ADGRG3: variants seen among roughly 807,000 people sequenced by gnomAD.
ADGRG3 encodes the protein adhesion G protein-coupled receptor G3.
Under a neutral mutation model 54.3 loss-of-function variants are expected in ADGRG3, and 39 were observed. The ratio of observed to expected loss-of-function variants is 0.72; its 90% confidence interval spans 0.56 to 0.94. ADGRG3 has a LOEUF of 0.94. Among genes scored for constraint, ADGRG3 ranks in the 40% least tolerant of loss-of-function variants. ADGRG3 has a pLI of 0.00. For synonymous variants in ADGRG3, 312 were observed against 290.0 expected, an observed-to-expected ratio of 1.08 and a Z score of -0.77; for missense variants, 654 against 694.6, an observed-to-expected ratio of 0.94 and a Z score of 0.66.
At chr16:57,684,794 C>T (rs531315721) in intron 10 of ADGRG3, among the ~76,000 whole-genome samples, 4 of 152,290 alleles carry the variant, frequency 2.6e-5, no homozygotes, top group African/African-American at 9.6e-5. Context: ...TAAAGAAGGT[C>T]ACCCCGTCCG....
intron 9 of ADGRG3, 42 bp from the exon 10 acceptor site, chr16:57,684,348 A>G: frequency 1.3e-6 from 2 of 1,580,994 alleles, no homozygotes; most frequent in Non-Finnish European, 1.7e-6. Flanking sequence ...AGGAAGTGCC[A>G]GTAAGCCCCA....
intron 10 of ADGRG3, 103 bp downstream of exon 10, chr16:57,684,586 C>A: frequency 3.9e-6 from 3 of 769,472 alleles, no homozygotes; most frequent in African/African-American, 1.7e-5. Context: ...AAAATCTAGA[C>A]CAAATATGTC....
At chr16:57,680,962 C>G (rs1567858501) in intron 8 of ADGRG3, among the ~76,000 whole-genome samples, 2 of 152,188 alleles carry the variant, frequency 1.3e-5, no homozygotes, top group Non-Finnish European at 2.9e-5. Flanking sequence ...AGAACTTGGT[C>G]TCCCTCTACC....
chr16:57,676,441 T>C, intron 3 of ADGRG3, 103 bp downstream of exon 3: 2 of 1,088,864 alleles, frequency 1.8e-6, no homozygotes, highest in Non-Finnish European at 2.7e-6. Flanking sequence ...AACTAGGGCT[T>C]GTCCCTCCCC....
In ADGRG3 at chr16:57,684,228, A is replaced by T; in HGVS notation, c.1162+16A>T. 6.2e-7 allele frequency: 1 copy of T among 1,606,598 alleles called. No homozygotes were observed. The highest frequency in any genetic ancestry group is 8.5e-7 in the Non-Finnish European group (1 of 1,175,260). ...GTGGGCTGGGGTAGGTGCTGCCTGG[A>T]TGGACAGAATAAACGGCCGGCCCTG... On this transcript the variant is annotated intron_variant, in intron 9 of 11. Coordinates refer to ENST00000333493, the MANE Select transcript of ADGRG3 (RefSeq NM_170776.5).
chr16:57,680,714 G>A (rs1048494294), intron 8 of ADGRG3, 97 bp downstream of exon 8: 13 of 807,006 alleles, frequency 1.6e-5, no homozygotes, highest in East Asian at 7.9e-5. Flanking sequence ...GCCTCTGACC[G>A]TTGTCCCCTC....
rs539931060 is a variant in ADGRG3, at chr16:57,668,328, G to A, written c.-20G>A. ...GCCAGACAGCCACAGAGCTCCTGGCGTGGGCAAGGCTGGCCAAGGATGGCG... is the reference window on the plus strand; with the variant it reads ...GCCAGACAGCCACAGAGCTCCTGGCATGGGCAAGGCTGGCCAAGGATGGCG... On this transcript the variant is annotated 5_prime_UTR_variant, in exon 1 of 12. The change creates a new upstream start codon in the 5' untranslated region. Transcript: ENST00000333493. The A allele has an allele frequency of 1.7e-5, 26 of 1,558,522 alleles. No individual in the cohort carries two copies. The highest frequency in any genetic ancestry group is 1.7e-4 in the Middle Eastern group (1 of 5,858).
At chr16:57,685,099 C>G (rs960600475) in intron 10 of ADGRG3, among the ~76,000 whole-genome samples, 3 of 152,226 alleles carry the variant, frequency 2.0e-5, no homozygotes, top group Non-Finnish European at 4.4e-5. Flanking sequence ...AGACTCACAC[C>G]TTGGGATCCA....
In ADGRG3 at chr16:57,685,947, A is replaced by T. The variant is rs764377634; in HGVS notation, c.1540+21A>T. The T allele has an allele frequency of 5.5e-5, 88 of 1,610,446 alleles. 2 individuals are homozygous for T. In the South Asian group the frequency reaches 7.4e-4, roughly 13 times the overall value. On this transcript the variant is annotated intron_variant, in intron 11 of 11. Coordinates refer to ENST00000333493, the MANE Select transcript of ADGRG3 (RefSeq NM_170776.5). The stretch of plus-strand genomic sequence containing the variant: ...GCAAGGTGAGGCCCCTGCACCAGGG[A>T]GGTGATGGGCTGTGTTGTCTGTCCC...
At chr16:57,686,288 C>T (rs567416298) in intron 11 of ADGRG3, among the ~76,000 whole-genome samples, 14 of 152,178 alleles carry the variant, frequency 9.2e-5, no homozygotes, top group Non-Finnish European at 2.1e-4. Context: ...CAGCGTATCA[C>T]ATGGCGAGAG....
chr16:57,674,335 G>A (rs143092926), intron 2 of ADGRG3, among the ~76,000 whole-genome samples: 45 of 152,186 alleles, frequency 3.0e-4, no homozygotes, highest in African/African-American at 9.4e-4. Flanking sequence ...AAATGAAGGG[G>A]TTTAGAATAC....
rs2048163023 is a variant in ADGRG3 at position 57,671,612 on chromosome 16, G to A, written c.59-1709G>A. Among the ~76,000 whole-genome samples, 3 of 152,110 alleles carry A rather than the reference G, an allele frequency of 2.0e-5. No homozygotes were observed. The South Asian group carries it at 6.2e-4, about 32-fold the overall frequency. On this transcript the variant is annotated intron_variant, in intron 1 of 11. Transcript: ENST00000333493. The stretch of plus-strand genomic sequence containing the variant: ...GGCCTCCCAAAGTGCTGGGATTATA[G>A]GCGTGAGTCACCGCACTCAGCCTTC...
rs776026679 is a variant in ADGRG3, at chr16:57,679,852, A to T, written c.664A>T (p.Lys222Ter). The T allele has an allele frequency of 6.2e-7, 1 of 1,611,170 alleles. No homozygotes were observed. The highest frequency in any genetic ancestry group is 8.5e-7 in the Non-Finnish European group (1 of 1,177,648). ...TLTCVFWDVTKGTTGDWSSEG... is the reference protein window; with the variant it reads ...TLTCVFWDVT ...CACCTGTGTATTCTGGGATGTGACT[A>T]AAGGTAGGGCCCGGAGGACCTTCTC... The change falls in exon 6 of 12, where the codon AAA (lysine) becomes TAA (stop). Residue 222 changes from lysine to a stop codon, truncating the protein, a stop_gained. Transcript: ENST00000333493. LOFTEE classifies it high-confidence loss of function.
At position 57,685,647 on chromosome 16, in the gene ADGRG3, T is replaced by C. The variant is rs1457651669; in HGVS notation, c.1261T>C (p.Trp421Arg). The C allele has an allele frequency of 6.2e-7, 1 of 1,613,670 alleles. No homozygotes were observed. Among genetic ancestry groups the C allele is most frequent in the Admixed American group, 1.7e-5 (1 of 60,010 alleles). Residue 421 changes from tryptophan to arginine, a missense_variant, in exon 11 of 12, where the codon TGG (tryptophan) becomes CGG (arginine). Trp to Arg is a moderately radical substitution (Grantham distance 101). Transcript: ENST00000333493. The part of the protein sequence containing the change: ...RENRTSLELC[W>R]FREGTTMYAL... ...CACAGCTGCCCCCTCCTCCAGATGC[T>C]GGTTCCGTGAAGGGACAACCATGTA... is the stretch of plus-strand genomic sequence containing the variant.
chr16:57,673,161 G>A (rs2048192175), intron 1 of ADGRG3, among the ~76,000 whole-genome samples, 160 bp from the exon 2 acceptor site: 1 of 152,184 alleles, frequency 6.6e-6, no homozygotes, highest in Non-Finnish European at 1.5e-5. Flanking sequence ...CAGCCCCAGA[G>A]AGGGTCTGCA....
chr16:57,678,410 A>G, intron 4 of ADGRG3, 94 bp downstream of exon 4: 10 of 1,272,522 alleles, frequency 7.9e-6, no homozygotes, highest in East Asian at 2.3e-5. Context: ...GAGGGATCCA[A>G]TGGGGACAGA....
At chr16:57,684,525 G>T (rs370787512) in intron 10 of ADGRG3, 42 bp downstream of exon 10, 1 of 1,411,504 alleles carries the variant, frequency 7.1e-7, no homozygotes. Flanking sequence ...CCAGCTCCCC[G>T]GCTACACATA....
chr16:57,679,284 C>G lies in ADGRG3; in HGVS notation c.600C>G (p.Ile200Met). The G allele has an allele frequency of 6.2e-7, 1 of 1,613,978 alleles. No homozygotes were observed. Among genetic ancestry groups the G allele is most frequent in the Non-Finnish European group, 8.5e-7 (1 of 1,179,928 alleles). Residue 200 changes from isoleucine (I) to methionine (M), a missense_variant, in exon 5 of 12, where the codon ATC (isoleucine) becomes ATG (methionine). Coordinates refer to ENST00000333493, the MANE Select transcript of ADGRG3 (RefSeq NM_170776.5). ...HVTKLAEPLE[I>M]VFSHQRPPPN... The stretch of plus-strand genomic sequence containing the variant: ...CCAAGCTGGCTGAGCCTCTGGAGAT[C>G]GTCTTCTCTCACCAGCGACCGCCCC...
chr16:57,678,663 A>AG (rs2048307631), intron 4 of ADGRG3: 1 of 361,016 alleles, frequency 2.8e-6, no homozygotes, highest in Non-Finnish European at 5.2e-6. Context: ...CCATGTACTC[A>AG]GCTGTGATCA....
Sources: gnomAD v4.1 joint callset for allele counts (sites outside exome capture counted in the v4.1 genomes callset) on GRCh38, gnomAD v4.1.1 for gene constraint, MANE v1.5 for transcripts, NCBI Gene and HGNC (gene_info 2026-07-23, HGNC 2026-07-21) for gene names.